Variants in IL1RAPL1 observed in about 807,000 individuals in gnomAD.
IL1RAPL1 encodes the protein interleukin-1 receptor accessory protein-like 1.
In IL1RAPL1, 3 loss-of-function variants were observed where a neutral mutation model predicts 48.4. That is an observed-to-expected ratio of 0.06 (90% CI 0.03 to 0.16). IL1RAPL1 has a LOEUF of 0.16. Ranked by LOEUF, IL1RAPL1 falls within the 10% of genes least tolerant of loss-of-function variation. The pLI is 1.00. For missense variants in IL1RAPL1, 349 were observed against 530.6 expected (o/e 0.66, Z 3.36); for synonymous variants, 185 against 187.7 (o/e 0.99, Z 0.12).
chrX:29,127,183 A>G (rs1365639654), intron 2 of IL1RAPL1, among the ~76,000 whole-genome samples: 1 of 110,693 alleles, frequency 9.0e-6, no homozygotes, highest in Admixed American at 9.8e-5. Flanking sequence ...TATTGTCATC[A>G]TCTATACTTA....
chrX:29,664,082 A>C (rs151075561), intron 5 of IL1RAPL1, among the ~76,000 whole-genome samples: 8,867 of 111,730 alleles, frequency 0.079, 296 homozygotes, highest in Middle Eastern at 0.21. Context: ...ACTGTGTGAA[A>C]TCTTTCCTAC....
intron 5 of IL1RAPL1, among the ~76,000 whole-genome samples, chrX:29,608,758 G>A (rs916173941): frequency 5.8e-5 from 6 of 103,100 alleles, no homozygotes; most frequent in East Asian, 3.2e-4. Context: ...CCTGGGAGGC[G>A]GAGCTTGCAG....
At chrX:29,209,548 T>C (rs182132400) in intron 2 of IL1RAPL1, among the ~76,000 whole-genome samples, 1,916 of 111,908 alleles carry the variant, frequency 0.017, 16 homozygotes, top group Non-Finnish European at 0.024. Flanking sequence ...AGGCAGCCCC[T>C]TGGCTAGGTG....
At chrX:29,223,733 TG>T (rs1258201661) in intron 2 of IL1RAPL1, among the ~76,000 whole-genome samples, 1 of 109,127 alleles carries the variant, frequency 9.2e-6, no homozygotes, top group East Asian at 2.9e-4. Flanking sequence ...TTAGTAGAGA[TG>T]GGGTTTCATC....
At chrX:29,197,401 C>A (rs1382157858) in intron 2 of IL1RAPL1, among the ~76,000 whole-genome samples, 1 of 111,406 alleles carries the variant, frequency 9.0e-6, no homozygotes, top group Non-Finnish European at 1.9e-5. Context: ...TCATACTGCC[C>A]ATCTCTAAAC....
At chrX:29,284,348 A>T (rs1387264468) in intron 3 of IL1RAPL1, among the ~76,000 whole-genome samples, 4 of 112,603 alleles carry the variant, frequency 3.6e-5, no homozygotes, top group African/African-American at 1.3e-4. Flanking sequence ...TATCTTTCTA[A>T]CACTAGCAAC....
rs1480881849 is a variant in IL1RAPL1, at chrX:28,896,587, C to T, written c.82+107162C>T. ...CTCGGAACAAAACTGTAAGCTGGAC[C>T]GGGTGTCAGGAGGGGAGGTGATAAA... On this transcript the variant is annotated intron_variant, in intron 2 of 10. Coordinates refer to ENST00000378993, the MANE Select transcript of IL1RAPL1 (RefSeq NM_014271.4). Among the ~76,000 whole-genome samples the T allele has an allele frequency of 6.3e-5, 7 of 110,774 alleles. No homozygotes were observed. The South Asian group carries it at 1.2e-3, about 19-fold the overall frequency.
chrX:28,850,623 T>C (rs1921634772), intron 2 of IL1RAPL1, among the ~76,000 whole-genome samples: 1 of 111,168 alleles, frequency 9.0e-6, no homozygotes, highest in African/African-American at 3.3e-5. Flanking sequence ...CTGTTTTCTT[T>C]CATAGGTGTT....
At chrX:29,580,136 C>CTT (rs762760607) in intron 5 of IL1RAPL1, among the ~76,000 whole-genome samples, 106 of 93,212 alleles carry the variant, frequency 1.1e-3, no homozygotes, top group African/African-American at 3.6e-3. Context: ...CTCAGAAAGT[C>CTT]TTTTTTTTTT....
chrX:28,722,156 A>T (rs1935593251), intron 1 of IL1RAPL1, among the ~76,000 whole-genome samples: 1 of 111,355 alleles, frequency 9.0e-6, no homozygotes. Flanking sequence ...CTTGATGGGG[A>T]TGGCATTGAA....
intron 6 of IL1RAPL1, among the ~76,000 whole-genome samples, chrX:29,723,451 G>T (rs1927694179): frequency 1.8e-5 from 2 of 111,901 alleles, no homozygotes; most frequent in African/African-American, 6.5e-5. Flanking sequence ...GTTTCGCCAT[G>T]TTGGCCAGGC....
intron 5 of IL1RAPL1, among the ~76,000 whole-genome samples, chrX:29,645,577 C>T (rs189888370): frequency 3.6e-5 from 4 of 110,742 alleles, no homozygotes; most frequent in Non-Finnish European, 7.6e-5. Context: ...ACTTGGCACC[C>T]GAGAGGAGCC....
At chrX:29,616,478 C>G (rs1227387746) in intron 5 of IL1RAPL1, among the ~76,000 whole-genome samples, 1 of 103,066 alleles carries the variant, frequency 9.7e-6, no homozygotes, top group Non-Finnish European at 2.0e-5. Flanking sequence ...ATCCCTCCCC[C>G]CTCCCCCTAC....
At chrX:29,946,316 C>T (rs1933212389) in intron 9 of IL1RAPL1, among the ~76,000 whole-genome samples, 1 of 112,156 alleles carries the variant, frequency 8.9e-6, no homozygotes, top group Admixed American at 9.5e-5. Flanking sequence ...GGGTGACCCA[C>T]CTTACTTTTG....
At chrX:28,610,991 G>T (rs921140724) in intron 1 of IL1RAPL1, among the ~76,000 whole-genome samples, 1 of 110,954 alleles carries the variant, frequency 9.0e-6, no homozygotes, top group Non-Finnish European at 1.9e-5. Flanking sequence ...GACAGAGCAT[G>T]CCAAAACACA....
In IL1RAPL1 at chrX:28,610,939, C is replaced by T. The variant is rs759166036; in HGVS notation, c.-25+22892C>T. Among the ~76,000 whole-genome samples the T allele has an allele frequency of 2.2e-4, 24 of 111,323 alleles. 1 individual carries two copies. The highest frequency in any genetic ancestry group is 9.4e-5 in the Non-Finnish European group (5 of 53,047). On this transcript the variant is annotated intron_variant, in intron 1 of 10. Coordinates refer to ENST00000378993, the MANE Select transcript of IL1RAPL1 (RefSeq NM_014271.4). ...TTGACAAGCAGTGCCAGCTAATGCG[C>T]GTACCCTCTACATCTTGAGTGCCTC...
At chrX:29,392,518 T>C (rs149964375) in intron 3 of IL1RAPL1, among the ~76,000 whole-genome samples, 2,347 of 112,477 alleles carry the variant, frequency 0.021, 51 homozygotes, top group African/African-American at 0.071. Context: ...TTTTAGCTTT[T>C]TAAATCACCT....
At chrX:28,834,517 G>T (rs976884714) in intron 2 of IL1RAPL1, among the ~76,000 whole-genome samples, 1 of 111,007 alleles carries the variant, frequency 9.0e-6, no homozygotes, top group Non-Finnish European at 1.9e-5. Context: ...TAATTCTGTA[G>T]AAAGTGGGTA....
chrX:29,398,977 T>C (rs1464760079), intron 4 of IL1RAPL1, among the ~76,000 whole-genome samples, 178 bp from the exon 5 acceptor site: 2 of 112,516 alleles, frequency 1.8e-5, no homozygotes, highest in Non-Finnish European at 3.8e-5. Context: ...CATATTATTC[T>C]AGGAAGCAAA....
Sources: gnomAD v4.1 joint callset for allele counts (sites outside exome capture counted in the v4.1 genomes callset) on GRCh38, gnomAD v4.1.1 for gene constraint, MANE v1.5 for transcripts, NCBI Gene and HGNC (gene_info 2026-07-23, HGNC 2026-07-21) for gene names.